GBE1: variants seen among roughly 807,000 people sequenced by gnomAD.
GBE1 encodes the protein 1,4-alpha-glucan branching enzyme 1, also known as 1,4-alpha-glucan-branching enzyme.
GBE1 carries 70 observed loss-of-function variants against 88.8 expected under a neutral mutation model. The ratio of observed to expected loss-of-function variants is 0.79; its 90% CI spans 0.65 to 0.96. GBE1 has a LOEUF of 0.96. GBE1 is among the 40% of genes least tolerant of loss of function. The pLI is 0.00. For synonymous variants in GBE1, 284 were observed against 300.1 expected (o/e 0.95, Z 0.56); for missense variants, 872 against 871.0 (o/e 1.00, Z -0.01).
rs1163666907 is a variant in GBE1 at position 81,752,950 on chromosome 3, A to G, written c.143+8425T>C. 2.6e-5 allele frequency among the ~76,000 whole-genome samples: 4 copies of G among 152,310 alleles called. No homozygotes were observed. The East Asian group carries it at 7.7e-4, about 29-fold the overall frequency. ...TTAGTTTGCTAATAATATTATCATC[A>G]AACTATTATTTGTTTACTGAGCATC... On this transcript the variant is annotated intron_variant, in intron 1 of 15. Coordinates refer to ENST00000429644, the MANE Select transcript of GBE1 (RefSeq NM_000158.4).
intron 2 of GBE1, among the ~76,000 whole-genome samples, chr3:81,688,082 G>C (rs1705464850): frequency 6.6e-6 from 1 of 152,168 alleles, no homozygotes. Flanking sequence ...CATTCTAACA[G>C]ATCTGCAGAT....
chr3:81,637,707 T>C (rs966685980), intron 7 of GBE1, among the ~76,000 whole-genome samples: 12 of 152,146 alleles, frequency 7.9e-5, no homozygotes, highest in African/African-American at 2.9e-4. Flanking sequence ...TTTTAGAATT[T>C]TCCATTCATG....
intron 14 of GBE1, among the ~76,000 whole-genome samples, chr3:81,521,913 G>T (rs1211319893): frequency 1.3e-5 from 2 of 151,512 alleles, no homozygotes; most frequent in South Asian, 2.1e-4. Flanking sequence ...AAATGTGATG[G>T]CTGCCAGGAA....
intron 7 of GBE1, among the ~76,000 whole-genome samples, chr3:81,633,165 T>C (rs1341407180): frequency 6.6e-6 from 1 of 152,206 alleles, no homozygotes; most frequent in Non-Finnish European, 1.5e-5. Flanking sequence ...CTTGTAGTTA[T>C]GTTTCAGAGA....
chr3:81,574,437 G>A (rs540036474), intron 12 of GBE1, among the ~76,000 whole-genome samples: 4 of 152,126 alleles, frequency 2.6e-5, no homozygotes, highest in Middle Eastern at 3.2e-3. Flanking sequence ...TCACTGAGCC[G>A]ATGAAGGCAT....
At chr3:81,697,580 G>T (rs1235575682) in intron 2 of GBE1, among the ~76,000 whole-genome samples, 1 of 152,110 alleles carries the variant, frequency 6.6e-6, no homozygotes, top group Non-Finnish European at 1.5e-5. Flanking sequence ...GATTACAGGC[G>T]TGAGCCACTG....
In GBE1 at chr3:81,557,746, T is replaced by C. The variant is rs565627290; in HGVS notation, c.1618+20179A>G. Among the ~76,000 whole-genome samples the C allele has an allele frequency of 3.9e-5, 6 of 152,136 alleles. No homozygotes were observed. The South Asian group carries it at 6.2e-4, about 16-fold the overall frequency. ...AAAGCATAAAAGTAGATGAGTTTTC[T>C]GAGAGAGGTAGGGAAGCAATAAAAG... On this transcript the variant is annotated intron_variant, in intron 12 of 15. Coordinates refer to ENST00000429644, the MANE Select transcript of GBE1 (RefSeq NM_000158.4).
Position 81,648,976 on chromosome 3 carries a change from G to A in GBE1, c.571C>T (p.Pro191Ser), listed in dbSNP as rs1436026072. 5 of 1,583,372 alleles carry A rather than the reference G, an allele frequency of 3.2e-6. No homozygotes were observed. The African/African-American group carries it at 5.4e-5, about 17-fold the overall frequency. ...ATTCTTAGACTCCGTGGCTTCTTTG[G>A]TCTGGAATGCTTAAACTACAGAATA... ...EHSYEFKHSR[P>S]KKPRSLRIYE... Residue 191 changes from proline to serine, a missense_variant, in exon 5 of 16, where the codon CCA becomes TCA. Coordinates refer to ENST00000429644, the MANE Select transcript of GBE1 (RefSeq NM_000158.4).
chr3:81,522,735 A>C (rs1387070887), intron 14 of GBE1, among the ~76,000 whole-genome samples: 1 of 151,596 alleles, frequency 6.6e-6, no homozygotes, highest in Non-Finnish European at 1.5e-5. Flanking sequence ...ATGGGTGGTA[A>C]GAATAATTAA....
chr3:81,546,438 G>T (rs529033083), intron 12 of GBE1, among the ~76,000 whole-genome samples: 1 of 152,118 alleles, frequency 6.6e-6, no homozygotes, highest in African/African-American at 2.4e-5. Context: ...GTAAAATAAG[G>T]ATGAGACCTA....
intron 12 of GBE1, among the ~76,000 whole-genome samples, chr3:81,548,597 G>C (rs1391757280): frequency 2.0e-5 from 3 of 151,052 alleles, no homozygotes; most frequent in Admixed American, 6.6e-5. Context: ...TTTTAACTGT[G>C]GCTGCCCTAA....
intron 7 of GBE1, among the ~76,000 whole-genome samples, chr3:81,609,916 C>T (rs1210341963): frequency 6.6e-6 from 1 of 151,836 alleles, no homozygotes; most frequent in Non-Finnish European, 1.5e-5. Context: ...AACATAAAAA[C>T]GTGATTGAAA....
chr3:81,645,316 G>A (rs1704747543), intron 6 of GBE1, among the ~76,000 whole-genome samples: 1 of 152,098 alleles, frequency 6.6e-6, no homozygotes, highest in South Asian at 2.1e-4. Flanking sequence ...CAACAAGTGA[G>A]GTGGGAAAAG....
intron 2 of GBE1, among the ~76,000 whole-genome samples, chr3:81,705,028 G>A (rs932949739): frequency 1.3e-5 from 2 of 152,162 alleles, no homozygotes; most frequent in Admixed American, 1.3e-4. Flanking sequence ...TCCGAAAAGA[G>A]TATAAGGCTA....
intron 12 of GBE1, among the ~76,000 whole-genome samples, chr3:81,556,811 T>C (rs1703355343): frequency 6.6e-6 from 1 of 152,054 alleles, no homozygotes; most frequent in Non-Finnish European, 1.5e-5. Context: ...TAGAATTTTT[T>C]AAAAGGCACA....
chr3:81,719,359 G>C (rs1458593606), intron 1 of GBE1, among the ~76,000 whole-genome samples: 1 of 152,066 alleles, frequency 6.6e-6, no homozygotes, highest in Non-Finnish European at 1.5e-5. Context: ...TGGGATTACA[G>C]GCACGTGCCA....
chr3:81,600,536 A>C (rs1432861635), intron 7 of GBE1, among the ~76,000 whole-genome samples: 2 of 152,110 alleles, frequency 1.3e-5, no homozygotes, highest in Non-Finnish European at 2.9e-5. Context: ...CAGCATAAAA[A>C]ATAAATTAGA....
rs1023206443 is a variant in GBE1, at chr3:81,615,022, C to CA, written c.993-21000dup. ...AGGTTACAGAATGAGACTTTTTTCT[C>CA]AAAAAAAAAAAAAAGTTTTGTATTG... On this transcript the variant is annotated intron_variant, in intron 7 of 15. Transcript: ENST00000429644. Among the ~76,000 whole-genome samples, 962 of 114,852 alleles carry CA rather than the reference C, an allele frequency of 8.4e-3. 9 individuals carry two copies. Among genetic ancestry groups the CA allele is most frequent in the African/African-American group, 0.024 (752 of 31,238 alleles). The allele number at this position is 114,852 out of a possible 152,430, so 75.3% of individuals were successfully genotyped here.
intron 3 of GBE1, among the ~76,000 whole-genome samples, chr3:81,658,665 CTG>C (rs1255749580): frequency 2.6e-5 from 4 of 152,148 alleles, no homozygotes; most frequent in Non-Finnish European, 4.4e-5. Context: ...TTTTCTTTCT[CTG>C]CTTTTCTACC....
Sources: allele counts gnomAD v4.1 joint callset (sites outside exome capture counted in the v4.1 genomes callset), GRCh38; gene constraint gnomAD v4.1.1; transcripts MANE v1.5; gene names NCBI Gene and HGNC (gene_info 2026-07-23, HGNC 2026-07-21).